The following PLA2G4A variants were observed in gnomAD, a reference collection of about 807,000 sequenced individuals.
The protein encoded by PLA2G4A is phospholipase A2 group IVA, also known as cytosolic phospholipase A2.
A neutral mutation model predicts 81.9 loss-of-function variants in PLA2G4A; 40 were observed. The ratio of observed to expected loss-of-function variants is 0.49; its 90% CI spans 0.38 to 0.64. The LOEUF (loss-of-function observed/expected upper bound fraction) is 0.64, where lower values mean the gene tolerates loss of function less well. PLA2G4A is among the 30% of genes least tolerant of loss of function. The probability of loss-of-function intolerance (pLI) is 0.00; values close to 1 mark genes in which losing one functional copy is unlikely to be tolerated. For synonymous variants in PLA2G4A, 302 were observed against 296.9 expected, an observed-to-expected ratio of 1.02 and a Z score of -0.18; for missense variants, 715 against 905.1, an observed-to-expected ratio of 0.79 and a Z score of 2.69.
intron 1 of PLA2G4A, among the ~76,000 whole-genome samples, chr1:186,848,484 C>T (rs1053471342): frequency 1.3e-5 from 2 of 152,084 alleles, no homozygotes; most frequent in Non-Finnish European, 2.9e-5. Context: ...TCAACGAACC[C>T]GGCATTTCAA....
chr1:186,909,872 C>T (rs1167811124), intron 6 of PLA2G4A, among the ~76,000 whole-genome samples: 4 of 152,090 alleles, frequency 2.6e-5, no homozygotes, highest in African/African-American at 9.6e-5. Flanking sequence ...AATCTATGTT[C>T]TAATTATTTT....
chr1:186,873,010 T>C (rs1653337996), intron 3 of PLA2G4A, among the ~76,000 whole-genome samples: 1 of 152,072 alleles, frequency 6.6e-6, no homozygotes. Context: ...TTTTGAATTG[T>C]TACTTTTGTG....
intron 3 of PLA2G4A, among the ~76,000 whole-genome samples, chr1:186,875,017 A>G (rs1361285006): frequency 5.3e-5 from 8 of 152,062 alleles, no homozygotes; most frequent in African/African-American, 9.7e-5. Context: ...TAATGTCCAT[A>G]TGAGTCACTG....
chr1:186,834,537 C>G (rs967730755), intron 1 of PLA2G4A, among the ~76,000 whole-genome samples: 3 of 151,952 alleles, frequency 2.0e-5, no homozygotes, highest in Non-Finnish European at 4.4e-5. Context: ...GGAGAAGGCC[C>G]AGGAAGTCCA....
At chr1:186,876,647 T>C (rs1295184810) in intron 3 of PLA2G4A, among the ~76,000 whole-genome samples, 2 of 152,130 alleles carry the variant, frequency 1.3e-5, no homozygotes, top group East Asian at 1.9e-4. Flanking sequence ...TGGCAGGCAC[T>C]AAAATGCCTT....
chr1:186,882,245 T>C (rs1571362706), intron 3 of PLA2G4A, among the ~76,000 whole-genome samples: 1 of 152,162 alleles, frequency 6.6e-6, no homozygotes, highest in South Asian at 2.1e-4. Context: ...TTTCACCCAA[T>C]AGGAAAACAA....
chr1:186,904,166 G>A (rs561402619), intron 5 of PLA2G4A, among the ~76,000 whole-genome samples: 10 of 152,174 alleles, frequency 6.6e-5, no homozygotes, highest in East Asian at 3.9e-4. Context: ...ATTGCTTTCC[G>A]CTGGGGAATT....
intron 17 of PLA2G4A, among the ~76,000 whole-genome samples, chr1:186,985,814 A>T (rs1032631567): frequency 2.0e-5 from 3 of 152,154 alleles, no homozygotes; most frequent in African/African-American, 2.4e-5. Context: ...AAGGATTTGG[A>T]ATCCCAATGA....
rs576283535 is a variant in PLA2G4A, at chr1:186,897,542, T to A, written c.378+3331T>A. ...TTTATTTTTTGAGACAGGGTCTCGCTCTGTTGCCCAGGCTGGAGTGCAGTG... is the reference window on the plus strand; with the variant it reads ...TTTATTTTTTGAGACAGGGTCTCGCACTGTTGCCCAGGCTGGAGTGCAGTG... On this transcript the variant is annotated intron_variant, in intron 5 of 17. Transcript: ENST00000367466. Among the ~76,000 whole-genome samples the A allele has an allele frequency of 1.6e-4, 24 of 152,272 alleles. No homozygotes were observed. In the East Asian group the frequency reaches 4.6e-3, roughly 29 times the overall value.
At chr1:186,978,187 C>T (rs953387493) in intron 16 of PLA2G4A, among the ~76,000 whole-genome samples, 1 of 152,178 alleles carries the variant, frequency 6.6e-6, no homozygotes, top group Non-Finnish European at 1.5e-5. Flanking sequence ...TCTAGCAGTA[C>T]ACAATGGCTA....
chr1:186,917,286 G>A (rs2102169793), intron 7 of PLA2G4A, among the ~76,000 whole-genome samples: 1 of 152,326 alleles, frequency 6.6e-6, no homozygotes, highest in South Asian at 2.1e-4. Flanking sequence ...CCTAAAGCCT[G>A]TAGCTGTCGC....
chr1:186,903,216 T>C (rs1654611310), intron 5 of PLA2G4A, among the ~76,000 whole-genome samples: 1 of 152,116 alleles, frequency 6.6e-6, no homozygotes, highest in Admixed American at 6.5e-5. Flanking sequence ...ATCAATATGA[T>C]GATTAATTGC....
intron 15 of PLA2G4A, among the ~76,000 whole-genome samples, chr1:186,968,393 G>GGTGT (rs1291464246): frequency 0.021 from 656 of 31,562 alleles, 8 homozygotes; most frequent in South Asian, 0.083. Flanking sequence ...CTCTTTTCGC[G>GGTGT]GTGTGTATGT....
At chr1:186,953,021 A>G (rs1249518730) in intron 13 of PLA2G4A, among the ~76,000 whole-genome samples, 7 of 152,200 alleles carry the variant, frequency 4.6e-5, no homozygotes, top group African/African-American at 1.4e-4. Context: ...AACTGCTAGA[A>G]AAATCTATGT....
At chr1:186,868,059 C>T (rs6425052) in intron 2 of PLA2G4A, among the ~76,000 whole-genome samples, 125,157 of 148,198 alleles carry the variant, frequency 0.84, 52,998 homozygotes, top group African/African-American at 0.9. Context: ...CGCTTGGTCA[C>T]GGTGTATAAT....
At chr1:186,843,574 A>G (rs566873692) in intron 1 of PLA2G4A, among the ~76,000 whole-genome samples, 37 of 152,232 alleles carry the variant, frequency 2.4e-4, no homozygotes, top group Non-Finnish European at 4.8e-4. Flanking sequence ...CAATATTGTG[A>G]TAAGAGATTT....
intron 12 of PLA2G4A, among the ~76,000 whole-genome samples, chr1:186,949,826 A>C (rs1317745168): frequency 6.6e-6 from 1 of 151,172 alleles, no homozygotes; most frequent in Non-Finnish European, 1.5e-5. Flanking sequence ...GTTTGAGACC[A>C]GCCTAGGCAA....
At position 186,893,175 on chromosome 1, in the gene PLA2G4A, G is replaced by A. The variant is rs749013098; in HGVS notation, c.264+16G>A. The A allele has an allele frequency of 3.1e-6, 5 of 1,603,166 alleles. No individual in the cohort carries two copies. In the South Asian group the frequency reaches 5.5e-5, roughly 18 times the overall value. On this transcript the variant is annotated intron_variant, in intron 4 of 17. Coordinates refer to ENST00000367466, the MANE Select transcript of PLA2G4A (RefSeq NM_024420.3). ...TGTTTTGGAGGTAAGTGAACCATTTGGATGCTGTTAGATGGTTGTGATTCA... is the reference window on the plus strand; with the variant it reads ...TGTTTTGGAGGTAAGTGAACCATTTAGATGCTGTTAGATGGTTGTGATTCA...
At chr1:186,915,043 T>G (rs967776430) in intron 7 of PLA2G4A, among the ~76,000 whole-genome samples, 1 of 152,186 alleles carries the variant, frequency 6.6e-6, no homozygotes, top group Non-Finnish European at 1.5e-5. Context: ...TTCCTATTAC[T>G]ATTATAACTC....
Sources: allele counts gnomAD v4.1 joint callset (sites outside exome capture counted in the v4.1 genomes callset), GRCh38; gene constraint gnomAD v4.1.1; transcripts MANE v1.5; gene names NCBI Gene and HGNC (gene_info 2026-07-23, HGNC 2026-07-21).